The following BEST1 variants were observed in gnomAD, a reference collection of about 807,000 sequenced individuals.
BEST1 encodes the protein bestrophin 1.
BEST1 carries 58 observed loss-of-function variants against 63.3 expected under a neutral mutation model. The observed-to-expected ratio is 0.92, with a 90% confidence interval of 0.74 to 1.14. The LOEUF is 1.14. Ranked by LOEUF, BEST1 falls within the 50% of genes most tolerant of loss-of-function variation. BEST1 has a pLI of 0.00. For missense variants in BEST1, 671 were observed against 740.1 expected, an observed-to-expected ratio of 0.91 and a Z score of 1.08; for synonymous variants, 283 against 291.6, an observed-to-expected ratio of 0.97 and a Z score of 0.30.
Position 61,962,250 on chromosome 11 carries a change from T to C in BEST1, c.1101-5T>C. The C allele has an allele frequency of 1.2e-6, 2 of 1,613,796 alleles. No individual in the cohort carries two copies. The highest frequency in any genetic ancestry group is 1.7e-4 in the Middle Eastern group (1 of 5,864). ...CTCAGCCCTGCATCTCCTGTTTCTT[T>C]CCAGCCTGAACAAAGAGGAGATGGA... On this transcript the variant is annotated splice_region_variant and splice_polypyrimidine_tract_variant and intron_variant, in intron 9 of 10. Transcript: ENST00000378043.
intron 9 of BEST1, chr11:61,960,940 T>C (rs1219750536): frequency 6.6e-6 from 1 of 152,298 alleles, no homozygotes; most frequent in Non-Finnish European, 1.5e-5. Context: ...GAAAGTGCCT[T>C]GGAGAGTGTT....
At chr11:61,962,160 C>A in intron 9 of BEST1, 95 bp from the exon 10 acceptor site, 2 of 1,407,696 alleles carry the variant, frequency 1.4e-6, no homozygotes, top group East Asian at 2.3e-5. Flanking sequence ...TGGCTTGGGC[C>A]AACTGAGAGA....
At chr11:61,961,157 A>T (rs1318555337) in intron 9 of BEST1, 1 of 151,968 alleles carries the variant, frequency 6.6e-6, no homozygotes, top group Non-Finnish European at 1.5e-5. Flanking sequence ...AGCTGGGATT[A>T]TAGGTGCCAG....
In BEST1 at chr11:61,959,748, G is replaced by T. The variant is rs767212251; in HGVS notation, c.949-144G>T. On this transcript the variant is annotated intron_variant, in intron 8 of 10. Coordinates refer to ENST00000378043, the MANE Select transcript of BEST1 (RefSeq NM_004183.4). ...GATTCTCACCTCAATCTTTGAGGCT[G>T]CAGGCAGGCACCCATCTCCCCATTT... 8.2e-6 allele frequency: 11 copies of T among 1,342,182 alleles called. No homozygotes were observed. The East Asian group carries it at 2.7e-4, about 33-fold the overall frequency. 83.1% of individuals were successfully genotyped at this position (1,342,182 alleles called of 1,614,324 possible).
rs1321352927 is a variant in BEST1 at position 61,955,688 on chromosome 11, C to T, written c.248-30C>T. 6 of 1,482,610 alleles carry T rather than the reference C, an allele frequency of 4.0e-6. No individual in the cohort carries two copies. In the Admixed American group the frequency reaches 5.9e-5, roughly 15 times the overall value. 91.8% of individuals were successfully genotyped at this position (1,482,610 alleles called of 1,614,324 possible). ...GGGCTCTGGCCGCAGCCTGGCCCCT[C>T]GCCCCTCGCCCCCCGCCCCTCCTGC... On this transcript the variant is annotated intron_variant, in intron 3 of 10. Transcript: ENST00000378043.
Position 61,957,367 on chromosome 11 carries a change from C to T in BEST1, c.637-20C>T, listed in dbSNP as rs751552815. 1.2e-6 allele frequency: 2 copies of T among 1,607,040 alleles called. No homozygotes were observed. Among genetic ancestry groups the T allele is most frequent in the South Asian group, 1.1e-5 (1 of 90,948 alleles). On this transcript the variant is annotated intron_variant, in intron 5 of 10. Transcript: ENST00000378043. ...GGGCAGGTGGTGTTCAGAACCCCAT[C>T]CCCCTCTTCTGCCCCCCAGGAGATG... is the stretch of plus-strand genomic sequence containing the variant.
rs774056706 is a variant in BEST1 at position 61,962,441 on chromosome 11, C to G, written c.1287C>G (p.His429Gln). 1.9e-6 allele frequency: 3 copies of G among 1,614,212 alleles called. No individual in the cohort carries two copies. The highest frequency in any genetic ancestry group is 2.7e-5 in the African/African-American group (2 of 75,058). ...TCCACGAGGGCCTGCCCAAAAACCACAAGGCAGCCAAACAGAACGTTAGGG... is the reference window on the plus strand; with the variant it reads ...TCCACGAGGGCCTGCCCAAAAACCAGAAGGCAGCCAAACAGAACGTTAGGG... ...SLLHEGLPKN[H>Q]KAAKQNVRGQ... Residue 429 changes from histidine to glutamine, a missense_variant, in exon 10 of 11, where the codon CAC (histidine) becomes CAG (glutamine). Physicochemically the swap from His to Gln is conservative, Grantham distance 24. Transcript: ENST00000378043.
chr11:61,957,298 A>G, intron 5 of BEST1, 89 bp from the exon 6 acceptor site: 1 of 1,237,528 alleles, frequency 8.1e-7, no homozygotes, highest in Non-Finnish European at 1.2e-6. Context: ...CATAGGTACC[A>G]GGCCCTGGTA....
intron 3 of BEST1, 71 bp from the exon 4 acceptor site, chr11:61,955,647 C>T (rs1941231484): frequency 6.8e-7 from 1 of 1,471,812 alleles, no homozygotes; most frequent in African/African-American, 1.4e-5. Context: ...CGAGGCATCG[C>T]CGGGCGCTGG....
At chr11:61,951,574 G>A (rs1410172362) in intron 1 of BEST1, among the ~76,000 whole-genome samples, 197 bp from the exon 2 acceptor site, 1 of 152,200 alleles carries the variant, frequency 6.6e-6, no homozygotes, top group Non-Finnish European at 1.5e-5. Flanking sequence ...CCAAAGCAAA[G>A]GGCAGCCTCT....
intron 3 of BEST1, 99 bp downstream of exon 3, chr11:61,955,300 G>T (rs1565387254): frequency 3.8e-6 from 6 of 1,586,434 alleles, no homozygotes; most frequent in Non-Finnish European, 5.1e-6. Flanking sequence ...GGGCTGGGGA[G>T]GGGGCGGGGG....
At chr11:61,954,755 ACT>A (rs976315362) in intron 2 of BEST1, 3 of 976,846 alleles carry the variant, frequency 3.1e-6, no homozygotes, top group Admixed American at 6.2e-5. Context: ...CGTCCCAAAC[ACT>A]CTGTTTCGAC....
In BEST1 at chr11:61,964,140, A is replaced by G; in HGVS notation, c.*18A>G. ...ATTCCTAACCTGCTTCCTAATGGGG[A>G]TGCTTCGCCAGCCAGGTCCTCACCT... On this transcript the variant is annotated 3_prime_UTR_variant, in exon 11 of 11. Coordinates refer to ENST00000378043, the MANE Select transcript of BEST1 (RefSeq NM_004183.4). 1 of 1,613,904 alleles carries G rather than the reference A, an allele frequency of 6.2e-7. No individual in the cohort carries two copies. The highest frequency in any genetic ancestry group is 8.5e-7 in the Non-Finnish European group (1 of 1,180,018).
chr11:61,964,279 G>T lies in BEST1; in HGVS notation c.*157G>T. 7.1e-7 allele frequency: 1 copy of T among 1,415,448 alleles called. No individual in the cohort carries two copies. The highest frequency in any genetic ancestry group is 1.3e-5 in the South Asian group (1 of 77,536). The allele number at this position is 1,415,448 out of a possible 1,614,324, so 87.7% of individuals were successfully genotyped here. ...GTTAGCTTAATAGATAAAAATCCCA[G>T]ACTACTTCAGCCTTTAATGCCTTTT... On this transcript the variant is annotated 3_prime_UTR_variant, in exon 11 of 11. Transcript: ENST00000378043.
chr11:61,957,471 A>C lies in BEST1; in HGVS notation c.714+7A>C, dbSNP rs758817535. On this transcript the variant is annotated splice_region_variant and intron_variant, in intron 6 of 10. Coordinates refer to ENST00000378043, the MANE Select transcript of BEST1 (RefSeq NM_004183.4). ...CCCACTGGTGTATACACAGGTGAGG[A>C]CTAGGCTGGTGAGGCTGCCCTTTTG... 6.2e-7 allele frequency: 1 copy of C among 1,613,610 alleles called. No individual in the cohort carries two copies. Among genetic ancestry groups the C allele is most frequent in the African/African-American group, 1.3e-5 (1 of 74,872 alleles).
In BEST1 at chr11:61,962,865, A is replaced by G. The variant is rs1359796484; in HGVS notation, c.1711A>G (p.Met571Val). ...TNIHTTLKDH[M>V]DPYWALENRD... The stretch of plus-strand genomic sequence containing the variant: ...CATACACACTACACTCAAAGATCAC[A>G]TGGATCCTTATTGGGCCTTGGAAAA... The change falls in exon 10 of 11, where the codon ATG becomes GTG. Residue 571 changes from methionine (M) to valine (V), a missense_variant. Coordinates refer to ENST00000378043, the MANE Select transcript of BEST1 (RefSeq NM_004183.4). The G allele has an allele frequency of 6.2e-7, 1 of 1,614,160 alleles. No homozygotes were observed. Among genetic ancestry groups the G allele is most frequent in the Admixed American group, 1.7e-5 (1 of 60,022 alleles).
intron 9 of BEST1, chr11:61,962,033 T>C (rs1942117766): frequency 3.4e-6 from 2 of 596,908 alleles, no homozygotes; most frequent in Non-Finnish European, 6.0e-6. Context: ...TTAACTCTGG[T>C]CAAGAGGGAA....
At chr11:61,951,114 A>G (rs1940610364) in intron 1 of BEST1, among the ~76,000 whole-genome samples, 1 of 152,220 alleles carries the variant, frequency 6.6e-6, no homozygotes, top group Non-Finnish European at 1.5e-5. Context: ...GCTAACGAAC[A>G]AGATGGGCTG....
intron 1 of BEST1, among the ~76,000 whole-genome samples, chr11:61,950,655 G>A (rs551658786): frequency 3.3e-5 from 5 of 152,294 alleles, no homozygotes; most frequent in African/African-American, 1.2e-4. Flanking sequence ...AGAATGGAGG[G>A]GGCATCAATC....
Sources: allele counts gnomAD v4.1 joint callset (sites outside exome capture counted in the v4.1 genomes callset), GRCh38; gene constraint gnomAD v4.1.1; transcripts MANE v1.5; gene names NCBI Gene and HGNC (gene_info 2026-07-23, HGNC 2026-07-21).